MAMDC2: variants seen among roughly 807,000 people sequenced by gnomAD.
MAMDC2 encodes the protein MAM domain-containing protein 2.
A neutral mutation model predicts 89.8 loss-of-function variants in MAMDC2; 57 were observed. That is an observed-to-expected ratio of 0.63 (90% CI 0.51 to 0.79). The LOEUF (loss-of-function observed/expected upper bound fraction) is 0.79. Ranked by LOEUF, MAMDC2 falls within the 30% of genes least tolerant of loss-of-function variation. MAMDC2 has a pLI of 0.00. For synonymous variants in MAMDC2, 313 were observed against 293.4 expected (o/e 1.07, Z -0.68); for missense variants, 800 against 820.6 (o/e 0.97, Z 0.31).
chr9:70,115,570 G>A (rs1244233246), intron 5 of MAMDC2, among the ~76,000 whole-genome samples: 1 of 152,116 alleles, frequency 6.6e-6, no homozygotes, highest in Non-Finnish European at 1.5e-5. Context: ...TGGCCAGGCT[G>A]GTCTCGAACT....
At chr9:70,209,702 C>T (rs190657355) in intron 11 of MAMDC2, among the ~76,000 whole-genome samples, 4 of 152,142 alleles carry the variant, frequency 2.6e-5, no homozygotes, top group South Asian at 2.1e-4. Context: ...GCTCTTGCTT[C>T]TCTAGTTATT....
intron 4 of MAMDC2, among the ~76,000 whole-genome samples, chr9:70,110,340 T>C (rs1156603404): frequency 6.6e-6 from 1 of 152,184 alleles, no homozygotes; most frequent in Non-Finnish European, 1.5e-5. Context: ...TTGTCTACAT[T>C]GAAGCTAGTT....
intron 11 of MAMDC2, among the ~76,000 whole-genome samples, chr9:70,184,606 C>G (rs1304630716): frequency 1.3e-5 from 2 of 151,678 alleles, no homozygotes; most frequent in Non-Finnish European, 2.9e-5. Context: ...CTAATCTTGT[C>G]TTTATGCCTT....
intron 5 of MAMDC2, among the ~76,000 whole-genome samples, chr9:70,120,148 A>G (rs1401116068): frequency 1.3e-5 from 2 of 152,220 alleles, no homozygotes; most frequent in Admixed American, 1.3e-4. Flanking sequence ...CTGGAAGTGC[A>G]TTTCACTGGC....
chr9:70,126,530 T>C, intron 6 of MAMDC2, 115 bp downstream of exon 6: 11 of 1,115,286 alleles, frequency 9.9e-6, no homozygotes, highest in Non-Finnish European at 1.4e-5. Context: ...TCTTTTCTGC[T>C]GTGCCTCAAC....
rs181064609 is a variant in MAMDC2, at chr9:70,044,372, C to A, written c.34+141C>A. Reference sequence around the variant, plus strand: ...GATCCTCCGCAGCCGCTAACTCCCTCCCCTGGCCAAGCCTGGGGTGGGGGT... The same window carrying A: ...GATCCTCCGCAGCCGCTAACTCCCTACCCTGGCCAAGCCTGGGGTGGGGGT... On this transcript the variant is annotated intron_variant, in intron 1 of 13. Transcript: ENST00000377182. 54 of 999,614 alleles carry A rather than the reference C, an allele frequency of 5.4e-5. No individual in the cohort carries two copies. The East Asian group carries it at 1.2e-3, about 23-fold the overall frequency. The allele number at this position is 999,614 out of a possible 1,614,324, so 61.9% of individuals were successfully genotyped here.
At position 70,140,254 on chromosome 9, in the gene MAMDC2, C is replaced by T. The variant is rs757982814; in HGVS notation, c.1104C>T (p.Asn368=). 3.1e-5 allele frequency: 49 copies of T among 1,602,060 alleles called. No individual in the cohort carries two copies. Among genetic ancestry groups the T allele is most frequent in the Non-Finnish European group, 4.2e-5 (49 of 1,175,858 alleles). Residue 368 remains asparagine (N), a synonymous_variant, in exon 8 of 14, where the codon AAC becomes AAT. Transcript: ENST00000377182. ...GGACCCGAGTGAAAGTAAAACCAAACATGTATCGGGCTGGAGACCACACTA... is the reference window on the plus strand; with the variant it reads ...GGACCCGAGTGAAAGTAAAACCAAATATGTATCGGGCTGGAGACCACACTA... ...PGWTRVKVKP[N]MYRAGDHTTG...
At chr9:70,164,862 A>C (rs2032113030) in intron 9 of MAMDC2, among the ~76,000 whole-genome samples, 1 of 150,532 alleles carries the variant, frequency 6.6e-6, no homozygotes, top group African/African-American at 2.4e-5. Context: ...TTGATCTTCA[A>C]CTCCTGGCCT....
rs933812210 is a variant in MAMDC2, at chr9:70,126,151, A to AT, written c.644-4dup. The AT allele has an allele frequency of 6.3e-7, 1 of 1,586,916 alleles. No individual in the cohort carries two copies. Among genetic ancestry groups the AT allele is most frequent in the Middle Eastern group, 1.7e-4 (1 of 5,958 alleles). On this transcript the variant is annotated splice_polypyrimidine_tract_variant and splice_region_variant and intron_variant, in intron 5 of 13. Transcript: ENST00000377182. ...CTTAACACTGTGCTCTGTCTGTGTG[A>AT]TTTTCAGGCCACTACATGTACGTGG...
chr9:70,114,162 C>G (rs1222555270), intron 5 of MAMDC2, among the ~76,000 whole-genome samples: 1 of 150,840 alleles, frequency 6.6e-6, no homozygotes, highest in Non-Finnish European at 1.5e-5. Context: ...CCTTACTGTT[C>G]TCTTTGCTCC....
intron 5 of MAMDC2, among the ~76,000 whole-genome samples, chr9:70,121,971 T>C (rs972420808): frequency 1.3e-5 from 2 of 152,196 alleles, no homozygotes; most frequent in African/African-American, 2.4e-5. Context: ...GGTTTGGCTG[T>C]CATTCCTCCA....
chr9:70,111,129 C>T (rs1315575941), intron 4 of MAMDC2, among the ~76,000 whole-genome samples: 3 of 152,180 alleles, frequency 2.0e-5, no homozygotes, highest in Non-Finnish European at 4.4e-5. Flanking sequence ...ATCTGCACAG[C>T]TTGTGAACGA....
intron 11 of MAMDC2, among the ~76,000 whole-genome samples, chr9:70,178,117 T>C (rs1392832456): frequency 6.6e-6 from 1 of 152,226 alleles, no homozygotes; most frequent in African/African-American, 2.4e-5. Context: ...ATGTGGCTGA[T>C]GTATTGGCAC....
chr9:70,117,287 T>C (rs1331052928), intron 5 of MAMDC2, among the ~76,000 whole-genome samples: 2 of 152,204 alleles, frequency 1.3e-5, no homozygotes, highest in African/African-American at 4.8e-5. Context: ...TGGAATACTA[T>C]GCAGCTATAA....
intron 9 of MAMDC2, among the ~76,000 whole-genome samples, chr9:70,152,363 A>G (rs1404353120): frequency 6.6e-6 from 1 of 152,152 alleles, no homozygotes; most frequent in East Asian, 1.9e-4. Context: ...CCAACAACAG[A>G]GGCTAGGCTG....
chr9:70,135,222 A>G (rs1349760585), intron 7 of MAMDC2, among the ~76,000 whole-genome samples: 1 of 152,136 alleles, frequency 6.6e-6, no homozygotes, highest in East Asian at 1.9e-4. Flanking sequence ...CTTGATCATC[A>G]ACAGATGCTC....
intron 10 of MAMDC2, chr9:70,169,757 T>C (rs938194932): frequency 6.6e-6 from 1 of 152,226 alleles, no homozygotes; most frequent in African/African-American, 2.4e-5. Context: ...ACCATTCTAA[T>C]AATTATGAAT....
intron 9 of MAMDC2, among the ~76,000 whole-genome samples, chr9:70,157,164 C>T (rs1403357142): frequency 6.6e-6 from 1 of 152,184 alleles, no homozygotes; most frequent in East Asian, 1.9e-4. Context: ...TCCCCACTTC[C>T]AAACTTCTAT....
chr9:70,132,454 G>A (rs534327527), intron 7 of MAMDC2, among the ~76,000 whole-genome samples: 1 of 152,092 alleles, frequency 6.6e-6, no homozygotes, highest in East Asian at 1.9e-4. Flanking sequence ...TGGCGTTTGA[G>A]GTCTTTCACT....
Sources: allele counts gnomAD v4.1 joint callset (sites outside exome capture counted in the v4.1 genomes callset), GRCh38; gene constraint gnomAD v4.1.1; transcripts MANE v1.5; gene names NCBI Gene and HGNC (gene_info 2026-07-23, HGNC 2026-07-21).